The following TEX26 variants were observed in gnomAD, a reference collection of about 807,000 sequenced individuals.
TEX26 encodes testis-expressed protein 26.
A neutral mutation model predicts 35.3 loss-of-function variants in TEX26; 34 were observed. The observed-to-expected ratio is 0.96, with a 90% CI of 0.73 to 1.28. The LOEUF is 1.28. Ranked by LOEUF, TEX26 falls within the 50% of genes most tolerant of loss-of-function variation. The pLI, the probability that TEX26 is intolerant of heterozygous loss-of-function variation, is 0.00. For synonymous variants in TEX26, 136 were observed against 111.8 expected, an observed-to-expected ratio of 1.22 and a Z score of -1.36; for missense variants, 371 against 330.1, an observed-to-expected ratio of 1.12 and a Z score of -0.96.
In TEX26 at chr13:30,971,282, T is replaced by C. The variant is rs113398727; in HGVS notation, c.808+2236T>C. Among the ~76,000 whole-genome samples, 944 of 152,346 alleles carry C rather than the reference T, an allele frequency of 6.2e-3. 13 individuals are homozygous for C. The highest frequency in any genetic ancestry group is 0.022 in the African/African-American group (915 of 41,580). Reference sequence around the variant, plus strand: ...TCACAGCAGAGCTTTTGTGGCTGAGTACATATGCAGATAATTTAAGAACCT... The same window carrying C: ...TCACAGCAGAGCTTTTGTGGCTGAGCACATATGCAGATAATTTAAGAACCT... On this transcript the variant is annotated intron_variant, in intron 6 of 6. Coordinates refer to ENST00000380473, the MANE Select transcript of TEX26 (RefSeq NM_152325.3).
intron 5 of TEX26, among the ~76,000 whole-genome samples, chr13:30,968,288 G>A (rs965161252): frequency 1.3e-5 from 2 of 152,300 alleles, no homozygotes; most frequent in Non-Finnish European, 2.9e-5. Context: ...AGCAAAGTTG[G>A]TCTTGTTCAG....
chr13:30,935,329 G>C (rs982897844), intron 1 of TEX26, among the ~76,000 whole-genome samples: 1 of 152,228 alleles, frequency 6.6e-6, no homozygotes, highest in Admixed American at 6.5e-5. Context: ...TGAAGTCTGG[G>C]GACCAGGCTG....
chr13:30,962,031 TTCCAACTCATC>T lies in TEX26; in HGVS notation c.470-4187_470-4177del, dbSNP rs1352432561. On this transcript the variant is annotated intron_variant, in intron 4 of 6. Transcript: ENST00000380473. Reference sequence around the variant, plus strand: ...GTGCTGAGTGAAAGCCTCATGAGCATTCCAACTCATCTCCTTCCCCCGGCAGCCGATCTTCC... The same window carrying T: ...GTGCTGAGTGAAAGCCTCATGAGCATTCCTTCCCCCGGCAGCCGATCTTCC... 7.9e-5 allele frequency among the ~76,000 whole-genome samples: 12 copies of T among 152,292 alleles called. No individual in the cohort carries two copies. In the South Asian group the frequency reaches 2.5e-3, roughly 32 times the overall value.
chr13:30,960,577 A>G (rs113057817), intron 4 of TEX26, among the ~76,000 whole-genome samples: 6 of 152,272 alleles, frequency 3.9e-5, no homozygotes, highest in Middle Eastern at 3.4e-3. Flanking sequence ...CTAGCTCTTC[A>G]TTAAATTTTA....
At chr13:30,966,117 G>A in intron 4 of TEX26, 105 bp from the exon 5 acceptor site, 1 of 1,170,900 alleles carries the variant, frequency 8.5e-7, no homozygotes, top group Non-Finnish European at 1.2e-6. Flanking sequence ...CCATTGAAGT[G>A]TTCATACAGG....
chr13:30,955,764 G>A (rs1954104829), intron 3 of TEX26, among the ~76,000 whole-genome samples: 1 of 152,226 alleles, frequency 6.6e-6, no homozygotes, highest in African/African-American at 2.4e-5. Context: ...TGCTGGAGTA[G>A]ACTCAGTAGA....
At chr13:30,971,905 C>T (rs1269828509) in intron 6 of TEX26, among the ~76,000 whole-genome samples, 1 of 152,178 alleles carries the variant, frequency 6.6e-6, no homozygotes, top group Non-Finnish European at 1.5e-5. Flanking sequence ...TCTCTTCCTC[C>T]AACTGAAACT....
Position 30,939,763 on chromosome 13 carries a change from T to A in TEX26, c.131T>A (p.Val44Glu). 1 of 1,613,948 alleles carries A rather than the reference T, an allele frequency of 6.2e-7. No homozygotes were observed. Among genetic ancestry groups the A allele is most frequent in the Non-Finnish European group, 8.5e-7 (1 of 1,179,832 alleles). The change falls in exon 2 of 7, where the codon GTG (valine) becomes GAG (glutamate). Residue 44 changes from valine (V) to glutamate (E), a missense_variant. By Grantham distance (121) the Val-to-Glu change is moderately radical (BLOSUM62 -2). Transcript: ENST00000380473. The part of the protein sequence containing the change: ...RTAFTPKTGA[V>E]PALIRQNGIR... ...GCATTCACGCCTAAAACAGGAGCAGTGCCTGCCTTAATTCGGTAGATCATT... is the reference window on the plus strand; with the variant it reads ...GCATTCACGCCTAAAACAGGAGCAGAGCCTGCCTTAATTCGGTAGATCATT...
At chr13:30,936,736 A>G in intron 1 of TEX26, 2 of 985,398 alleles carry the variant, frequency 2.0e-6, no homozygotes, top group Non-Finnish European at 2.4e-6. Context: ...GACTTCTTTG[A>G]AGGAGGAACA....
intron 5 of TEX26, among the ~76,000 whole-genome samples, chr13:30,968,136 A>C (rs1977430): frequency 0.4 from 61,533 of 152,104 alleles, 14,615 homozygotes; most frequent in East Asian, 0.68. Context: ...AAGGCATATA[A>C]ATTTATTAAC....
intron 2 of TEX26, 142 bp from the exon 3 acceptor site, chr13:30,952,518 G>T: frequency 1.5e-6 from 1 of 678,730 alleles, no homozygotes; most frequent in Non-Finnish European, 2.3e-6. Context: ...AGGAAAACCT[G>T]AAATTAAATT....
In TEX26 at chr13:30,954,313, CACACACAT is replaced by C. The variant is rs1410745880; in HGVS notation, c.312+1490_312+1497del. On this transcript the variant is annotated intron_variant, in intron 3 of 6. Transcript: ENST00000380473. ...ACACACACACACACACACACACACACACACACATATATGTATGTATATATCTCTTGGAG... is the reference window on the plus strand; with the variant it reads ...ACACACACACACACACACACACACACATATGTATGTATATATCTCTTGGAG... Among the ~76,000 whole-genome samples the C allele has an allele frequency of 2.3e-5, 3 of 129,380 alleles. No homozygotes were observed. The South Asian group carries it at 7.4e-4, about 32-fold the overall frequency. The allele number at this position is 129,380 out of a possible 152,430, so 84.9% of individuals were successfully genotyped here.
chr13:30,974,139 T>A lies in TEX26; in HGVS notation c.809-707T>A, dbSNP rs1449280162. The stretch of plus-strand genomic sequence containing the variant: ...CCATCTAAAAAAAAAAAAATATATA[T>A]ATATATATATATATATAATTAGGAG... On this transcript the variant is annotated intron_variant, in intron 6 of 6. Transcript: ENST00000380473. 3.6e-4 allele frequency among the ~76,000 whole-genome samples: 46 copies of A among 126,140 alleles called. 1 individual carries two copies. Among genetic ancestry groups the A allele is most frequent in the Admixed American group, 2.4e-4 (3 of 12,292 alleles). 82.8% of individuals were successfully genotyped at this position (126,140 alleles called of 152,430 possible). A position where few individuals can be genotyped will look rare whatever the true frequency, so the allele number is the denominator to read the frequency against.
intron 4 of TEX26, among the ~76,000 whole-genome samples, chr13:30,962,759 G>A (rs1954391790): frequency 1.3e-5 from 2 of 152,230 alleles, no homozygotes; most frequent in Non-Finnish European, 2.9e-5. Flanking sequence ...ATAGACAGCG[G>A]AGCTAGTTCC....
At chr13:30,937,339 G>C (rs549968073) in intron 1 of TEX26, among the ~76,000 whole-genome samples, 28 of 152,312 alleles carry the variant, frequency 1.8e-4, no homozygotes, top group African/African-American at 6.3e-4. Context: ...CTGGAGTGCT[G>C]TTCTGCCAGG....
intron 1 of TEX26, among the ~76,000 whole-genome samples, chr13:30,934,763 C>A (rs989567124): frequency 6.6e-6 from 1 of 152,180 alleles, no homozygotes; most frequent in Admixed American, 6.5e-5. Context: ...GCCCAAACTG[C>A]AGCTACAGAC....
At chr13:30,972,419 G>C (rs1169553265) in intron 6 of TEX26, among the ~76,000 whole-genome samples, 3 of 152,128 alleles carry the variant, frequency 2.0e-5, no homozygotes, top group Non-Finnish European at 4.4e-5. Flanking sequence ...AACCATGTAT[G>C]TATACCTCTG....
intron 2 of TEX26, among the ~76,000 whole-genome samples, chr13:30,944,480 T>C (rs899459929): frequency 3.9e-5 from 6 of 152,038 alleles, no homozygotes; most frequent in Non-Finnish European, 2.9e-5. Context: ...TTTCTTGTAC[T>C]AGCTTTGGGT....
chr13:30,968,790 TG>T, intron 5 of TEX26, 94 bp from the exon 6 acceptor site: 2 of 1,184,304 alleles, frequency 1.7e-6, no homozygotes, highest in Non-Finnish European at 2.4e-6. Flanking sequence ...AAAGCTGGGC[TG>T]GGGGCTGTCA....
Sources: gnomAD v4.1 joint callset for allele counts (sites outside exome capture counted in the v4.1 genomes callset) on GRCh38, gnomAD v4.1.1 for gene constraint, MANE v1.5 for transcripts, NCBI Gene and HGNC (gene_info 2026-07-23, HGNC 2026-07-21) for gene names.